The following ZNF469 variants were observed in gnomAD, a reference collection of about 807,000 sequenced individuals.
The protein encoded by ZNF469 is zinc finger protein 469.
Under a neutral mutation model 1.0 loss-of-function variants are expected in ZNF469, and 1 was observed. The ratio of observed to expected loss-of-function variants is 1.00; its 90% CI spans 0.35 to 4.73. ZNF469 has a LOEUF of 4.73. Ranked by LOEUF, ZNF469 falls within the 30% of genes most tolerant of loss-of-function variation. The pLI is 0.16. For synonymous variants in ZNF469, 2,703 were observed against 2,363.4 expected, an observed-to-expected ratio of 1.14 and a Z score of -4.17; for missense variants, 6,100 against 5,356.3, an observed-to-expected ratio of 1.14 and a Z score of -4.33.
chr16:88,172,936 A>AAAAAAC, the ZNF469 span, among the ~76,000 whole-genome samples: 1 of 152,228 alleles, frequency 6.6e-6, no homozygotes, highest in East Asian at 1.9e-4. Flanking sequence ...AAAAAGTCTT[A>AAAAAAC]AAAAACAAAA....
chr16:88,103,542 C>G, the ZNF469 span, among the ~76,000 whole-genome samples: 39 of 152,352 alleles, frequency 2.6e-4, no homozygotes, highest in South Asian at 6.4e-3. Context: ...CCTTGTCCCC[C>G]CCGAATCTCC....
the ZNF469 span, among the ~76,000 whole-genome samples, chr16:88,207,965 T>A: frequency 6.6e-6 from 1 of 152,190 alleles, no homozygotes; most frequent in East Asian, 1.9e-4. Context: ...CTGCCAGACT[T>A]AATAAGTATT....
chr16:88,313,681 T>C, the ZNF469 span, among the ~76,000 whole-genome samples: 3 of 152,142 alleles, frequency 2.0e-5, no homozygotes, highest in Non-Finnish European at 4.4e-5. Context: ...ATTAAGACAA[T>C]GCTGGTGTAG....
At chr16:88,320,802 A>G in the ZNF469 span, among the ~76,000 whole-genome samples, 1 of 152,222 alleles carries the variant, frequency 6.6e-6, no homozygotes, top group African/African-American at 2.4e-5. Flanking sequence ...TAGAAAAACA[A>G]CAAAACAACC....
intron 1 of ZNF469, among the ~76,000 whole-genome samples, chr16:88,401,598 GA>G (rs1904863573): frequency 1.4e-5 from 2 of 144,592 alleles, no homozygotes; most frequent in Admixed American, 6.9e-5. Context: ...TAGGTAGATG[GA>G]TGGATAGTTG....
chr16:88,373,705 G>C, the ZNF469 span, among the ~76,000 whole-genome samples: 7 of 152,288 alleles, frequency 4.6e-5, no homozygotes, highest in East Asian at 9.7e-4. Context: ...TTTTGGAAGA[G>C]AGAAGAAACG....
chr16:88,158,960 G>A, the ZNF469 span, among the ~76,000 whole-genome samples: 1 of 152,184 alleles, frequency 6.6e-6, no homozygotes, highest in Non-Finnish European at 1.5e-5. Context: ...CTCCCCAGGT[G>A]CACACGTGCT....
At chr16:88,266,440 C>T in the ZNF469 span, among the ~76,000 whole-genome samples, 1 of 152,232 alleles carries the variant, frequency 6.6e-6, no homozygotes, top group Admixed American at 6.5e-5. Flanking sequence ...CAGGGAAGGT[C>T]ACTCGTGTCC....
At chr16:88,299,455 C>T in the ZNF469 span, among the ~76,000 whole-genome samples, 1 of 152,208 alleles carries the variant, frequency 6.6e-6, no homozygotes, top group East Asian at 1.9e-4. Context: ...AGGAAGGAGC[C>T]GAGTGAAAGG....
chr16:88,305,363 C>G, the ZNF469 span, among the ~76,000 whole-genome samples: 1 of 150,330 alleles, frequency 6.7e-6, no homozygotes, highest in Non-Finnish European at 1.5e-5. Context: ...CACACATGCT[C>G]ACAGGCACAC....
At chr16:88,157,815 A>G in the ZNF469 span, among the ~76,000 whole-genome samples, 1 of 151,798 alleles carries the variant, frequency 6.6e-6, no homozygotes, top group Admixed American at 6.6e-5. Context: ...TGACCGTGCC[A>G]TCCTCGCCAC....
the ZNF469 span, among the ~76,000 whole-genome samples, chr16:88,118,634 G>A: frequency 3.9e-5 from 6 of 152,334 alleles, no homozygotes; most frequent in East Asian, 3.9e-4. Flanking sequence ...TTCAGAGTGC[G>A]CTGATCCAGG....
At chr16:88,173,055 G>T in the ZNF469 span, among the ~76,000 whole-genome samples, 22 of 152,192 alleles carry the variant, frequency 1.4e-4, no homozygotes, top group African/African-American at 4.8e-4. Context: ...ATGTTTTGAA[G>T]AAATAATGGC....
chr16:88,311,656 C>A, the ZNF469 span, among the ~76,000 whole-genome samples: 1 of 152,206 alleles, frequency 6.6e-6, no homozygotes, highest in Non-Finnish European at 1.5e-5. Flanking sequence ...GGTTTCAGGG[C>A]TGTCCCTGCA....
At chr16:88,181,544 G>A in the ZNF469 span, among the ~76,000 whole-genome samples, 1 of 152,190 alleles carries the variant, frequency 6.6e-6, no homozygotes, top group South Asian at 2.1e-4. Flanking sequence ...GGAAGTTAAA[G>A]AACATATTTT....
the ZNF469 span, among the ~76,000 whole-genome samples, chr16:88,235,877 G>A: frequency 7.9e-5 from 12 of 152,216 alleles, no homozygotes; most frequent in African/African-American, 2.9e-4. Flanking sequence ...GGTTCAGGCA[G>A]AGTCAGTCAA....
chr16:88,411,864 T>A, intron 1 of ZNF469, among the ~76,000 whole-genome samples: 1 of 152,008 alleles, frequency 6.6e-6, no homozygotes, highest in East Asian at 1.9e-4. Flanking sequence ...TGGGGTCCCC[T>A]TCTGCCCTTC....
At position 88,437,481 on chromosome 16, in the gene ZNF469, C is replaced by T. The variant is rs973490370; in HGVS notation, c.10011C>T (p.Arg3337=). ...PVHEACKDPS[R]DCHHCGKRFP... is the part of the protein sequence containing the mutation. Reference sequence around the variant, plus strand: ...ACGAGGCCTGCAAGGACCCCTCCCGCGACTGCCACCACTGCGGGAAGCGCT... The same window carrying T: ...ACGAGGCCTGCAAGGACCCCTCCCGTGACTGCCACCACTGCGGGAAGCGCT... The change falls in exon 3 of 3, where the codon CGC becomes CGT. Residue 3337 remains arginine (R), a synonymous_variant. Transcript: ENST00000565624. 5.9e-5 allele frequency: 90 copies of T among 1,537,672 alleles called. No homozygotes were observed. Among genetic ancestry groups the T allele is most frequent in the Non-Finnish European group, 7.0e-5 (80 of 1,138,642 alleles).
At chr16:88,392,761 C>A (rs1904525675) in intron 1 of ZNF469, among the ~76,000 whole-genome samples, 1 of 152,236 alleles carries the variant, frequency 6.6e-6, no homozygotes, top group Admixed American at 6.5e-5. Flanking sequence ...TCATCTCCAC[C>A]TGGAATTCTT....
Sources: allele counts gnomAD v4.1 joint callset (sites outside exome capture counted in the v4.1 genomes callset), GRCh38; gene constraint gnomAD v4.1.1; transcripts MANE v1.5; gene names NCBI Gene and HGNC (gene_info 2026-07-23, HGNC 2026-07-21).